ZNF804B: variants seen among roughly 807,000 people sequenced by gnomAD.
ZNF804B encodes zinc finger protein 804B, also known as zinc finger 804B.
In ZNF804B, 80 loss-of-function variants were observed where a neutral mutation model predicts 101.4. The ratio of observed to expected loss-of-function variants is 0.79; its 90% CI spans 0.66 to 0.95. The LOEUF is 0.95. ZNF804B is among the 40% of genes least tolerant of loss of function. The pLI is 0.00. For missense variants in ZNF804B, 1,673 were observed against 1,561.9 expected, an observed-to-expected ratio of 1.07 and a Z score of -1.20; for synonymous variants, 622 against 558.8, an observed-to-expected ratio of 1.11 and a Z score of -1.59.
At chr7:89,219,994 T>TAC (rs1788965780) in intron 2 of ZNF804B, among the ~76,000 whole-genome samples, 2 of 110,124 alleles carry the variant, frequency 1.8e-5, no homozygotes, top group African/African-American at 7.7e-5. Flanking sequence ...TGTGTGCATA[T>TAC]ATGTATATGC....
chr7:88,864,244 G>A (rs1528935), intron 1 of ZNF804B, among the ~76,000 whole-genome samples: 29,165 of 152,136 alleles, frequency 0.19, 3,081 homozygotes, highest in African/African-American at 0.3. Context: ...AATGCCTAGT[G>A]TAATAAGCTC....
At chr7:89,220,020 TAC>T (rs1788968361) in intron 2 of ZNF804B, among the ~76,000 whole-genome samples, 1 of 130,882 alleles carries the variant, frequency 7.6e-6, no homozygotes, top group African/African-American at 2.9e-5. Context: ...TATGTGTGTA[TAC>T]ATATATATAC....
In ZNF804B at chr7:89,335,080, T is replaced by G. The variant is rs1217043838; in HGVS notation, c.2098T>G (p.Ser700Ala). 2.5e-6 allele frequency: 4 copies of G among 1,613,668 alleles called. No homozygotes were observed. Among genetic ancestry groups the G allele is most frequent in the Non-Finnish European group, 3.4e-6 (4 of 1,179,908 alleles). ...GCGNQRYKRYSPQSCLSRYSS... is the reference protein window; with the variant it reads ...GCGNQRYKRYAPQSCLSRYSS... ...TGGAAACCAAAGATACAAGAGATAC[T>G]CTCCACAGTCATGTTTGAGTAGATA... Residue 700 changes from serine to alanine, a missense_variant, in exon 4 of 4, where the codon TCT (serine) becomes GCT (alanine). By Grantham distance (99) the Ser-to-Ala change is moderately conservative (BLOSUM62 1). Coordinates refer to ENST00000333190, the MANE Select transcript of ZNF804B (RefSeq NM_181646.5).
chr7:89,128,173 C>A (rs1790500586), intron 1 of ZNF804B, among the ~76,000 whole-genome samples: 1 of 151,694 alleles, frequency 6.6e-6, no homozygotes, highest in Admixed American at 6.6e-5. Context: ...AATTGGTGAA[C>A]ATTGTTAAAC....
intron 1 of ZNF804B, among the ~76,000 whole-genome samples, chr7:89,192,828 G>T (rs1225269050): frequency 6.6e-6 from 1 of 152,050 alleles, no homozygotes; most frequent in East Asian, 1.9e-4. Flanking sequence ...TTTATCCCAG[G>T]ATGCAAGGTT....
At chr7:88,834,048 G>A (rs1381384990) in intron 1 of ZNF804B, among the ~76,000 whole-genome samples, 1 of 151,782 alleles carries the variant, frequency 6.6e-6, no homozygotes, top group Admixed American at 6.6e-5. Context: ...ATGCATTCTA[G>A]TGAACTCCAA....
chr7:88,808,872 T>C (rs1003502588), intron 1 of ZNF804B, among the ~76,000 whole-genome samples: 1 of 152,156 alleles, frequency 6.6e-6, no homozygotes, highest in African/African-American at 2.4e-5. Flanking sequence ...TTATAGACTA[T>C]GCATAGGGCT....
intron 3 of ZNF804B, among the ~76,000 whole-genome samples, chr7:89,329,248 T>C (rs1489080184): frequency 6.6e-6 from 1 of 151,700 alleles, no homozygotes; most frequent in Non-Finnish European, 1.5e-5. Flanking sequence ...ATATAGAGCC[T>C]GAAACTAGGA....
chr7:89,114,875 A>G (rs1449803726), intron 1 of ZNF804B, among the ~76,000 whole-genome samples: 1 of 152,148 alleles, frequency 6.6e-6, no homozygotes, highest in Non-Finnish European at 1.5e-5. Flanking sequence ...GCTAAGATAA[A>G]TGTTCTGTGT....
At chr7:89,077,294 T>C (rs1176062715) in intron 1 of ZNF804B, among the ~76,000 whole-genome samples, 1 of 152,120 alleles carries the variant, frequency 6.6e-6, no homozygotes, top group Non-Finnish European at 1.5e-5. Flanking sequence ...GGGTAATTCG[T>C]TGAATAATGG....
At chr7:88,935,961 T>C (rs1477555718) in intron 1 of ZNF804B, among the ~76,000 whole-genome samples, 1 of 151,528 alleles carries the variant, frequency 6.6e-6, no homozygotes, top group African/African-American at 2.4e-5. Flanking sequence ...TCTTTCTGTT[T>C]TCCGATTTTT....
intron 1 of ZNF804B, among the ~76,000 whole-genome samples, chr7:89,167,379 G>A (rs1472559741): frequency 4.6e-5 from 7 of 151,858 alleles, no homozygotes; most frequent in Non-Finnish European, 4.4e-5. Flanking sequence ...GGAGGTGGAG[G>A]TTGCAGTGAG....
chr7:89,020,018 T>G (rs1788639769), intron 1 of ZNF804B, among the ~76,000 whole-genome samples: 1 of 152,120 alleles, frequency 6.6e-6, no homozygotes, highest in Non-Finnish European at 1.5e-5. Context: ...TCATATTTTC[T>G]CTCTTATTGT....
At chr7:88,899,173 T>G (rs1024921639) in intron 1 of ZNF804B, among the ~76,000 whole-genome samples, 2 of 152,222 alleles carry the variant, frequency 1.3e-5, no homozygotes, top group Non-Finnish European at 2.9e-5. Context: ...CAAGGTTGTA[T>G]TCAGAGAAAT....
At chr7:89,219,970 T>C (rs1399903545) in intron 2 of ZNF804B, among the ~76,000 whole-genome samples, 2 of 96,212 alleles carry the variant, frequency 2.1e-5, no homozygotes, top group African/African-American at 4.2e-5. Flanking sequence ...TGTGCATATA[T>C]ATGTATATAC....
At chr7:88,787,759 G>A (rs1002214024) in intron 1 of ZNF804B, among the ~76,000 whole-genome samples, 2 of 152,068 alleles carry the variant, frequency 1.3e-5, no homozygotes, top group Admixed American at 6.6e-5. Context: ...TGTAGAACCC[G>A]GTTTCAGTTC....
intron 1 of ZNF804B, among the ~76,000 whole-genome samples, chr7:88,838,477 T>A (rs1791248405): frequency 6.6e-6 from 1 of 151,988 alleles, no homozygotes; most frequent in South Asian, 2.1e-4. Context: ...GAAAATTATT[T>A]GAAGTATTTA....
chr7:88,822,619 A>C (rs1056113903), intron 1 of ZNF804B, among the ~76,000 whole-genome samples: 15 of 152,088 alleles, frequency 9.9e-5, no homozygotes, highest in African/African-American at 3.6e-4. Context: ...GAGAGAAAAA[A>C]AGGTAATGCT....
chr7:88,793,656 C>T (rs796157827), intron 1 of ZNF804B, among the ~76,000 whole-genome samples: 3 of 152,134 alleles, frequency 2.0e-5, no homozygotes, highest in African/African-American at 7.2e-5. Flanking sequence ...GCTCTCAAAG[C>T]CCTTCCTATA....
Sources: gnomAD v4.1 joint callset for allele counts (sites outside exome capture counted in the v4.1 genomes callset) on GRCh38, gnomAD v4.1.1 for gene constraint, MANE v1.5 for transcripts, NCBI Gene and HGNC (gene_info 2026-07-23, HGNC 2026-07-21) for gene names.